The following SH3PXD2B variants were observed in gnomAD, a reference collection of about 807,000 sequenced individuals.
SH3PXD2B encodes SH3 and PX domains 2B, also known as SH3 and PX domain-containing protein 2B.
Under a neutral mutation model 73.1 loss-of-function variants are expected in SH3PXD2B, and 37 were observed. That is an observed-to-expected ratio of 0.51 (90% CI 0.39 to 0.67). The LOEUF (loss-of-function observed/expected upper bound fraction) is 0.67, where lower values mean the gene tolerates loss of function less well. SH3PXD2B is among the 30% of genes least tolerant of loss of function. SH3PXD2B has a pLI of 0.00. For synonymous variants in SH3PXD2B, 457 were observed against 480.5 expected, an observed-to-expected ratio of 0.95 and a Z score of 0.64; for missense variants, 1,053 against 1,197.8, an observed-to-expected ratio of 0.88 and a Z score of 1.78.
chr5:172,407,592 C>T (rs865866687), intron 2 of SH3PXD2B, among the ~76,000 whole-genome samples: 25 of 152,168 alleles, frequency 1.6e-4, no homozygotes, highest in Admixed American at 9.8e-4. Context: ...GGAGAAAGTC[C>T]CAAGCCTTGT....
chr5:172,343,442 AC>A (rs1458946993), intron 12 of SH3PXD2B, among the ~76,000 whole-genome samples: 1 of 152,232 alleles, frequency 6.6e-6, no homozygotes, highest in African/African-American at 2.4e-5. Flanking sequence ...TGTGTTCTGA[AC>A]CATGAGGAAT....
In SH3PXD2B at chr5:172,336,573, C is replaced by T. The variant is rs1756697849; in HGVS notation, c.*1796G>A. On this transcript the variant is annotated 3_prime_UTR_variant, in exon 13 of 13. Transcript: ENST00000311601. Reference sequence around the variant, plus strand: ...GGAGGCGCGGCAGAAGAGGGCTGTTCAAGCAAAACTTTGGCACTGCAGGTA... The same window carrying T: ...GGAGGCGCGGCAGAAGAGGGCTGTTTAAGCAAAACTTTGGCACTGCAGGTA... The T allele has an allele frequency of 3.0e-6, 3 of 986,024 alleles. No individual in the cohort carries two copies. The highest frequency in any genetic ancestry group is 9.4e-5 in the South Asian group (2 of 21,286). The allele number at this position is 986,024 out of a possible 1,614,324, so 61.1% of individuals were successfully genotyped here. A position where few individuals can be genotyped will look rare whatever the true frequency, so the allele number is the denominator to read the frequency against.
intron 12 of SH3PXD2B, among the ~76,000 whole-genome samples, chr5:172,342,775 C>T (rs1756888868): frequency 6.6e-6 from 1 of 151,844 alleles, no homozygotes; most frequent in African/African-American, 2.4e-5. Context: ...AAAAAAAAGA[C>T]CCTGCTTGGA....
chr5:172,346,207 A>G lies in SH3PXD2B; in HGVS notation c.1117T>C (p.Tyr373His), dbSNP rs765193122. Residue 373 changes from tyrosine to histidine, a missense_variant, in exon 12 of 13, where the codon TAT (tyrosine) becomes CAT (histidine). Physicochemically the swap from Tyr to His is moderately conservative, Grantham distance 83. This residue lies in a region of SH3PXD2B where 466 missense variants were observed against 607.1 expected (regional missense o/e 0.77). Transcript: ENST00000311601. ...PPIPPQVEEEYYTIAEFQTTI... is the reference protein window; with the variant it reads ...PPIPPQVEEEHYTIAEFQTTI... Reference sequence around the variant, plus strand: ...GTCTGGAATTCGGCGATGGTGTAATACTCTTCCTCCACTTGGGGCGGGATG... The same window carrying G: ...GTCTGGAATTCGGCGATGGTGTAATGCTCTTCCTCCACTTGGGGCGGGATG... The G allele has an allele frequency of 8.1e-6, 13 of 1,613,566 alleles. No homozygotes were observed. The highest frequency in any genetic ancestry group is 1.1e-5 in the Non-Finnish European group (13 of 1,179,944).
At chr5:172,344,478 C>T (rs1324910456) in intron 12 of SH3PXD2B, among the ~76,000 whole-genome samples, 1 of 149,440 alleles carries the variant, frequency 6.7e-6, no homozygotes, top group African/African-American at 2.5e-5. Context: ...ATCCCAGTTA[C>T]TAGAGAGGCT....
Position 172,374,854 on chromosome 5 carries a change from CGGCA to C in SH3PXD2B, c.402-1043_402-1040del, listed in dbSNP as rs10566213. Among the ~76,000 whole-genome samples, 909 of 152,274 alleles carry C rather than the reference CGGCA, an allele frequency of 6.0e-3. 11 individuals are homozygous for C. Among genetic ancestry groups the C allele is most frequent in the African/African-American group, 0.021 (867 of 41,548 alleles). ...TATTAAATGGTGCTAGACCCAGTGCCGGCACCCTGCTAGGCATTTGTAGTTCACT... is the reference window on the plus strand; with the variant it reads ...TATTAAATGGTGCTAGACCCAGTGCCCCCTGCTAGGCATTTGTAGTTCACT... On this transcript the variant is annotated intron_variant, in intron 5 of 12. Coordinates refer to ENST00000311601, the MANE Select transcript of SH3PXD2B (RefSeq NM_001017995.3).
chr5:172,452,969 G>A (rs1688856353), intron 1 of SH3PXD2B, among the ~76,000 whole-genome samples: 1 of 152,186 alleles, frequency 6.6e-6, no homozygotes, highest in Admixed American at 6.5e-5. Flanking sequence ...GCTAAGGGCT[G>A]AATAACTGGC....
At position 172,335,899 on chromosome 5, in the gene SH3PXD2B, C is replaced by G. The variant is rs954331114; in HGVS notation, c.*2470G>C. The G allele has an allele frequency of 3.3e-6, 4 of 1,211,026 alleles. No homozygotes were observed. In the African/African-American group the frequency reaches 6.3e-5, roughly 19 times the overall value. The allele number at this position is 1,211,026 out of a possible 1,614,324, so 75.0% of individuals were successfully genotyped here. On this transcript the variant is annotated 3_prime_UTR_variant, in exon 13 of 13. Transcript: ENST00000311601. ...CAGAGAGGACTGTGGCTTCAGTACC[C>G]GCGGGTCATGTCAGAATAATCATCA...
chr5:172,355,790 C>T (rs576523382), intron 8 of SH3PXD2B, among the ~76,000 whole-genome samples: 62 of 152,176 alleles, frequency 4.1e-4, no homozygotes, highest in Middle Eastern at 3.4e-3. Context: ...GTGATCCGCC[C>T]GCCTCGGCCT....
At chr5:172,452,546 T>C (rs1759819304) in intron 1 of SH3PXD2B, among the ~76,000 whole-genome samples, 1 of 152,172 alleles carries the variant, frequency 6.6e-6, no homozygotes, top group Non-Finnish European at 1.5e-5. Flanking sequence ...GGACCTCACT[T>C]TGCTGAGCCC....
At position 172,422,514 on chromosome 5, in the gene SH3PXD2B, G is replaced by A. The variant is rs758129613; in HGVS notation, c.76-18C>T. ...ATGTAGACCTGCGGGAGCAACAGAG[G>A]AGATGGGTGTTAACACCAGAAGGTG... On this transcript the variant is annotated intron_variant, in intron 1 of 12. Transcript: ENST00000311601. 1.9e-6 allele frequency: 3 copies of A among 1,606,238 alleles called. No individual in the cohort carries two copies. Among genetic ancestry groups the A allele is most frequent in the Non-Finnish European group, 2.5e-6 (3 of 1,177,342 alleles).
intron 2 of SH3PXD2B, among the ~76,000 whole-genome samples, chr5:172,409,110 G>T (rs185747352): frequency 2.0e-5 from 3 of 152,070 alleles, no homozygotes; most frequent in African/African-American, 7.2e-5. Flanking sequence ...GGCCAGGCGC[G>T]GTGGCTCACA....
At chr5:172,411,538 G>A (rs1758696057) in intron 2 of SH3PXD2B, among the ~76,000 whole-genome samples, 1 of 152,132 alleles carries the variant, frequency 6.6e-6, no homozygotes, top group African/African-American at 2.4e-5. Flanking sequence ...AACAGCCCTG[G>A]GGTTCAATCC....
chr5:172,416,648 TTA>T, intron 2 of SH3PXD2B, among the ~76,000 whole-genome samples: 1 of 144,810 alleles, frequency 6.9e-6, no homozygotes. Context: ...TTTTTTTTTT[TTA>T]AAAAGGACCT....
At position 172,350,608 on chromosome 5, in the gene SH3PXD2B, A is replaced by C; in HGVS notation, c.786-19T>G. 1 of 1,586,694 alleles carries C rather than the reference A, an allele frequency of 6.3e-7. No homozygotes were observed. ...CTGGTACCTGTGAAGAGGAGGAAGG[A>C]TGCTGTCAAACTGCTCCGCCAGGCC... On this transcript the variant is annotated intron_variant, in intron 9 of 12. Coordinates refer to ENST00000311601, the MANE Select transcript of SH3PXD2B (RefSeq NM_001017995.3).
chr5:172,357,661 G>A (rs74608749), intron 8 of SH3PXD2B, among the ~76,000 whole-genome samples: 8,776 of 152,038 alleles, frequency 0.058, 352 homozygotes, highest in South Asian at 0.22. Context: ...ACTACATCAC[G>A]ACCCCTTAAT....
At chr5:172,404,879 C>A (rs1758516709) in intron 3 of SH3PXD2B, among the ~76,000 whole-genome samples, 1 of 152,200 alleles carries the variant, frequency 6.6e-6, no homozygotes, top group African/African-American at 2.4e-5. Flanking sequence ...TTGGAGCCAG[C>A]CATACCTGTG....
At chr5:172,376,672 G>A (rs1757829088) in intron 5 of SH3PXD2B, among the ~76,000 whole-genome samples, 1 of 152,192 alleles carries the variant, frequency 6.6e-6, no homozygotes, top group Admixed American at 6.5e-5. Context: ...ACATCACTGA[G>A]GTTGACCTTC....
chr5:172,376,567 G>C (rs963600819), intron 5 of SH3PXD2B, among the ~76,000 whole-genome samples: 1 of 152,222 alleles, frequency 6.6e-6, no homozygotes, highest in African/African-American at 2.4e-5. Flanking sequence ...CCAAGCCCAA[G>C]AGCAGGGGCT....
Sources: allele counts gnomAD v4.1 joint callset (sites outside exome capture counted in the v4.1 genomes callset), GRCh38; gene constraint gnomAD v4.1.1; regional missense constraint gnomAD v4.1.1; transcripts MANE v1.5; gene names NCBI Gene and HGNC (gene_info 2026-07-23, HGNC 2026-07-21).